Variants in ESYT2 observed in about 807,000 individuals in gnomAD.
ESYT2 encodes extended synaptotagmin 2.
In ESYT2, 54 loss-of-function variants were observed where a neutral mutation model predicts 107.2. The ratio of observed to expected loss-of-function variants is 0.50; its 90% CI spans 0.40 to 0.63. The LOEUF is 0.63. ESYT2 is among the 30% of genes least tolerant of loss of function. ESYT2 has a pLI of 0.00. For synonymous variants in ESYT2, 491 were observed against 434.1 expected, an observed-to-expected ratio of 1.13 and a Z score of -1.63; for missense variants, 1,020 against 1,094.5, an observed-to-expected ratio of 0.93 and a Z score of 0.96.
intron 1 of ESYT2, among the ~76,000 whole-genome samples, chr7:158,826,041 C>T (rs200810126): frequency 1.4e-5 from 2 of 147,610 alleles, no homozygotes; most frequent in African/African-American, 5.0e-5. Flanking sequence ...AAAACAAAAA[C>T]AAACCCAAAG....
At chr7:158,805,567 C>T (rs1448840809) in intron 1 of ESYT2, among the ~76,000 whole-genome samples, 1 of 152,096 alleles carries the variant, frequency 6.6e-6, no homozygotes, top group Non-Finnish European at 1.5e-5. Flanking sequence ...TTAATTCACA[C>T]AGTAAATAAA....
At chr7:158,761,682 C>CA (rs777235703) in intron 10 of ESYT2, 138 bp from the exon 11 acceptor site, 1 of 703,514 alleles carries the variant, frequency 1.4e-6, no homozygotes, top group African/African-American at 1.8e-5. Context: ...AGAAATGCAA[C>CA]AAAACGCTAA....
At chr7:158,773,086 C>G (rs1838432392) in intron 7 of ESYT2, among the ~76,000 whole-genome samples, 1 of 152,226 alleles carries the variant, frequency 6.6e-6, no homozygotes, top group South Asian at 2.1e-4. Flanking sequence ...TTGTGGTGAA[C>G]AAACGCAAAT....
At chr7:158,821,241 T>TA (rs1160593443) in intron 1 of ESYT2, among the ~76,000 whole-genome samples, 2 of 152,190 alleles carry the variant, frequency 1.3e-5, no homozygotes, top group Admixed American at 1.3e-4. Flanking sequence ...ACCATCTGTG[T>TA]AAGAACTATG....
At chr7:158,754,082 C>A (rs1172887381) in intron 13 of ESYT2, among the ~76,000 whole-genome samples, 1 of 152,126 alleles carries the variant, frequency 6.6e-6, no homozygotes, top group East Asian at 1.9e-4. Flanking sequence ...ACAGACTAGA[C>A]CAGGCAAGTG....
At chr7:158,740,341 G>A (rs1013093613) in intron 18 of ESYT2, among the ~76,000 whole-genome samples, 5 of 152,240 alleles carry the variant, frequency 3.3e-5, no homozygotes, top group African/African-American at 1.2e-4. Context: ...ATAAGGATAA[G>A]GAATAGTCTC....
At chr7:158,793,558 C>T (rs996886829) in intron 4 of ESYT2, 92 bp downstream of exon 4, 6 of 876,650 alleles carry the variant, frequency 6.8e-6, no homozygotes, top group Non-Finnish European at 7.4e-6. Flanking sequence ...GCAGGTAAGA[C>T]GTGTGCTCAC....
At chr7:158,751,759 T>C (rs1264786006) in intron 14 of ESYT2, among the ~76,000 whole-genome samples, 1 of 152,176 alleles carries the variant, frequency 6.6e-6, no homozygotes, top group Non-Finnish European at 1.5e-5. Flanking sequence ...GAGGTCACAC[T>C]GCTTGCTGAG....
At chr7:158,786,430 A>C (rs2129473158) in intron 6 of ESYT2, among the ~76,000 whole-genome samples, 1 of 152,214 alleles carries the variant, frequency 6.6e-6, no homozygotes, top group Admixed American at 6.5e-5. Flanking sequence ...ATGGGAAAAA[A>C]AACACATTAA....
intron 7 of ESYT2, among the ~76,000 whole-genome samples, chr7:158,768,376 C>A (rs552321820): frequency 6.6e-6 from 1 of 152,308 alleles, no homozygotes; most frequent in South Asian, 2.1e-4. Flanking sequence ...CATCACTGCA[C>A]AGCAAACTAA....
Position 158,741,505 on chromosome 7 carries a change from A to G in ESYT2, c.2168+18T>C, listed in dbSNP as rs1419008619. The G allele has an allele frequency of 5.8e-6, 9 of 1,548,806 alleles. No homozygotes were observed. The highest frequency in any genetic ancestry group is 2.3e-5 in the East Asian group (1 of 44,392). On this transcript the variant is annotated intron_variant, in intron 18 of 22. Transcript: ENST00000275418. Reference sequence around the variant, plus strand: ...GCTTGCTCTGCTGGTGAGAAACAACATGGTGGCACTTAGTTACTTTTCCAG... The same window carrying G: ...GCTTGCTCTGCTGGTGAGAAACAACGTGGTGGCACTTAGTTACTTTTCCAG...
At chr7:158,801,365 A>C (rs1175076145) in intron 1 of ESYT2, among the ~76,000 whole-genome samples, 5 of 152,226 alleles carry the variant, frequency 3.3e-5, no homozygotes, top group African/African-American at 1.2e-4. Context: ...TTCATCTATG[A>C]GTGATTATCC....
intron 1 of ESYT2, among the ~76,000 whole-genome samples, chr7:158,805,705 GT>G (rs777686135): frequency 6.6e-6 from 1 of 152,122 alleles, no homozygotes; most frequent in Non-Finnish European, 1.5e-5. Flanking sequence ...AAATCCATCT[GT>G]TTAAGGTCAT....
chr7:158,800,269 G>C (rs563997830), intron 1 of ESYT2, among the ~76,000 whole-genome samples: 73 of 152,116 alleles, frequency 4.8e-4, no homozygotes, highest in African/African-American at 1.8e-3. Context: ...GGATGGTCTC[G>C]ATCTCTTGAC....
At chr7:158,795,487 C>T (rs1173426031) in intron 3 of ESYT2, among the ~76,000 whole-genome samples, 1 of 152,212 alleles carries the variant, frequency 6.6e-6, no homozygotes, top group African/African-American at 2.4e-5. Flanking sequence ...GTGCCTTTGG[C>T]CTGACTCTAC....
intron 12 of ESYT2, 151 bp from the exon 13 acceptor site, chr7:158,759,732 G>C: frequency 1.6e-6 from 1 of 635,152 alleles, no homozygotes; most frequent in Admixed American, 3.2e-5. Context: ...AACAATAAAT[G>C]CCTTTTAAAT....
Position 158,734,137 on chromosome 7 carries a change from T to A in ESYT2, c.*70A>T. 1 of 1,508,054 alleles carries A rather than the reference T, an allele frequency of 6.6e-7. No individual in the cohort carries two copies. Among genetic ancestry groups the A allele is most frequent in the Non-Finnish European group, 9.2e-7 (1 of 1,086,558 alleles). 93.4% of individuals were successfully genotyped at this position (1,508,054 alleles called of 1,614,324 possible). On this transcript the variant is annotated 3_prime_UTR_variant, in exon 23 of 23. Transcript: ENST00000275418. ...AAATTATAAAAATAACATTGGTACG[T>A]CTGTGAGAGGGTGTGTTCCGGGTAG...
chr7:158,784,860 T>C (rs374740011), intron 6 of ESYT2, among the ~76,000 whole-genome samples: 5 of 152,286 alleles, frequency 3.3e-5, no homozygotes, highest in East Asian at 3.9e-4. Flanking sequence ...CACCTCCGCA[T>C]TGGGCTGGAA....
At chr7:158,740,227 G>A (rs1428024527) in intron 18 of ESYT2, among the ~76,000 whole-genome samples, 1 of 152,202 alleles carries the variant, frequency 6.6e-6, no homozygotes, top group Admixed American at 6.5e-5. Flanking sequence ...GCTCCTCCTG[G>A]AACCTGCTGA....
Sources: gnomAD v4.1 joint callset for allele counts (sites outside exome capture counted in the v4.1 genomes callset) on GRCh38, gnomAD v4.1.1 for gene constraint, MANE v1.5 for transcripts, NCBI Gene and HGNC (gene_info 2026-07-23, HGNC 2026-07-21) for gene names.